ETV5: variants seen among roughly 807,000 people sequenced by gnomAD.
The protein encoded by ETV5 is ETS translocation variant 5.
ETV5 carries 10 observed loss-of-function variants against 70.0 expected under a neutral mutation model. That is an observed-to-expected ratio of 0.14 (90% CI 0.09 to 0.24). The LOEUF is 0.24. ETV5 is among the 10% of genes least tolerant of loss of function. ETV5 has a pLI of 1.00. For missense variants in ETV5, 453 were observed against 651.2 expected (o/e 0.70, Z 3.31); for synonymous variants, 216 against 242.2 (o/e 0.89, Z 1.01).
At chr3:186,062,998 GCGGTAGTTCA>G (rs1394337604) in intron 9 of ETV5, among the ~76,000 whole-genome samples, 1 of 152,224 alleles carries the variant, frequency 6.6e-6, no homozygotes, top group East Asian at 1.9e-4. Context: ...TAGGCTGGGC[GCGGTAGTTCA>G]CGCCTGTAAT....
In ETV5 at chr3:186,052,362, T is replaced by A. The variant is rs774210984; in HGVS notation, c.1210-231A>T. 1.3e-5 allele frequency among the ~76,000 whole-genome samples: 2 copies of A among 152,172 alleles called. No individual in the cohort carries two copies. The highest frequency in any genetic ancestry group is 4.8e-5 in the African/African-American group (2 of 41,434). On this transcript the variant is annotated intron_variant, in intron 11 of 12. Coordinates refer to ENST00000306376, the MANE Select transcript of ETV5 (RefSeq NM_004454.3). The surrounding 1 kb of genome is among the most constrained non-coding windows in gnomAD (Gnocchi z 4.5). ...CTAGAGATGGAAGAATCCTAGCACT[T>A]TAAGATTGCAGAGGGCTTGGCTAAC...
chr3:186,061,715 C>T (rs1384334781), intron 9 of ETV5, among the ~76,000 whole-genome samples: 1 of 152,156 alleles, frequency 6.6e-6, no homozygotes, highest in African/African-American at 2.4e-5. Context: ...GCTCTGAGCC[C>T]ACCTCTCCAG....
At chr3:186,099,706 G>A (rs911495387) in intron 5 of ETV5, among the ~76,000 whole-genome samples, 1 of 151,918 alleles carries the variant, frequency 6.6e-6, no homozygotes, top group African/African-American at 2.4e-5. Flanking sequence ...ACACATTTTC[G>A]GCTTCATTAT....
chr3:186,072,825 T>A (rs574540817), intron 7 of ETV5, among the ~76,000 whole-genome samples: 1 of 152,286 alleles, frequency 6.6e-6, no homozygotes, highest in South Asian at 2.1e-4. Context: ...GTGAAAGTAT[T>A]AGTTGTAGAT....
At chr3:186,050,588 G>T (rs1336730280) in intron 12 of ETV5, among the ~76,000 whole-genome samples, 1 of 152,158 alleles carries the variant, frequency 6.6e-6, no homozygotes, top group Non-Finnish European at 1.5e-5. Flanking sequence ...GGTAATGGTT[G>T]TACAGCTCTG....
intron 5 of ETV5, chr3:186,084,343 A>C: frequency 5.3e-6 from 2 of 378,850 alleles, no homozygotes; most frequent in Admixed American, 7.4e-5. Context: ...CTGCAATTAG[A>C]AACTTTGAGT....
chr3:186,099,250 A>G (rs923698254), intron 5 of ETV5, among the ~76,000 whole-genome samples: 2 of 151,962 alleles, frequency 1.3e-5, no homozygotes, highest in Admixed American at 1.3e-4. Flanking sequence ...GTATCTTGCC[A>G]CTCCTTTAAG....
intron 5 of ETV5, among the ~76,000 whole-genome samples, chr3:186,092,396 T>C (rs1475583521): frequency 8.5e-5 from 13 of 152,228 alleles, no homozygotes; most frequent in Admixed American, 8.5e-4. Flanking sequence ...TTAAGAGTTA[T>C]TGATAAAATT....
At chr3:186,073,422 A>G (rs1358659903) in intron 7 of ETV5, among the ~76,000 whole-genome samples, 1 of 152,222 alleles carries the variant, frequency 6.6e-6, no homozygotes, top group Admixed American at 6.5e-5. Context: ...TTTCAGACGA[A>G]GAAACGAAAG....
intron 1 of ETV5, 139 bp downstream of exon 1, chr3:186,108,801 C>CG (rs540828175): frequency 0.031 from 10,247 of 333,878 alleles, 216 homozygotes; most frequent in African/African-American, 0.072. Context: ...GCGGTCAACC[C>CG]GGGGGGGGTC....
At chr3:186,103,930 C>T (rs1261761332) in intron 5 of ETV5, among the ~76,000 whole-genome samples, 1 of 152,158 alleles carries the variant, frequency 6.6e-6, no homozygotes, top group Non-Finnish European at 1.5e-5. Context: ...ATTTGGAATA[C>T]CCAACTTTTT....
intron 5 of ETV5, among the ~76,000 whole-genome samples, chr3:186,094,524 A>G (rs1714258541): frequency 6.6e-6 from 1 of 152,178 alleles, no homozygotes; most frequent in African/African-American, 2.4e-5. Flanking sequence ...TTTTCTTGAA[A>G]CAGCTTGGAT....
rs931545966 is a variant in ETV5, at chr3:186,046,674, GA to G, written c.*1964del. Reference sequence around the variant, plus strand: ...TAAGACAGCATAAATCCATTCAAAAGAAAAAAAAAAAAAATCCAAACCAGGG... The same window carrying G: ...TAAGACAGCATAAATCCATTCAAAAGAAAAAAAAAAAAATCCAAACCAGGG... On this transcript the variant is annotated 3_prime_UTR_variant, in exon 13 of 13. Coordinates refer to ENST00000306376, the MANE Select transcript of ETV5 (RefSeq NM_004454.3). 2 of 200,588 alleles carry G rather than the reference GA, an allele frequency of 1.0e-5. No homozygotes were observed. Among genetic ancestry groups the G allele is most frequent in the African/African-American group, 5.4e-5 (2 of 36,770 alleles). The allele number at this position is 200,588 out of a possible 1,614,324, so 12.4% of individuals were successfully genotyped here.
chr3:186,071,575 C>T (rs1425979471), intron 7 of ETV5, among the ~76,000 whole-genome samples: 1 of 152,182 alleles, frequency 6.6e-6, no homozygotes, highest in Non-Finnish European at 1.5e-5. Context: ...AAGGCCCGGC[C>T]CTGTTATAAC....
At chr3:186,053,493 G>T (rs555663203) in intron 11 of ETV5, among the ~76,000 whole-genome samples, 164 of 152,258 alleles carry the variant, frequency 1.1e-3, no homozygotes, top group African/African-American at 3.8e-3. Flanking sequence ...AAAATATCTA[G>T]GCAGAATGAA....
intron 7 of ETV5, among the ~76,000 whole-genome samples, chr3:186,069,923 C>T (rs1166277320): frequency 6.6e-6 from 1 of 152,184 alleles, no homozygotes; most frequent in Admixed American, 6.5e-5. Context: ...TCTCCTGTTT[C>T]AGCCTCTCAA....
In ETV5 at chr3:186,094,191, C is replaced by T. The variant is rs1471842134; in HGVS notation, c.232+11114G>A. Among the ~76,000 whole-genome samples the T allele has an allele frequency of 3.3e-5, 5 of 152,226 alleles. No individual in the cohort carries two copies. In the East Asian group the frequency reaches 7.7e-4, roughly 23 times the overall value. ...AAAGAAATTCTTTGTATTAATGCTT[C>T]GTCACTGCTCCTCCTCCCAAAAGAA... is the stretch of plus-strand genomic sequence containing the variant. On this transcript the variant is annotated intron_variant, in intron 5 of 12. Coordinates refer to ENST00000306376, the MANE Select transcript of ETV5 (RefSeq NM_004454.3).
chr3:186,046,847 G>A lies in ETV5; in HGVS notation c.*1792C>T, dbSNP rs1010661334. On this transcript the variant is annotated 3_prime_UTR_variant, in exon 13 of 13. Transcript: ENST00000306376. The stretch of plus-strand genomic sequence containing the variant: ...GTTTAGAAAGAGTCCTTTGATTAGA[G>A]TACAATGCTAATTAAGGCCCAATCT... 14 of 231,528 alleles carry A rather than the reference G, an allele frequency of 6.0e-5. No homozygotes were observed. The highest frequency in any genetic ancestry group is 1.1e-4 in the Admixed American group (2 of 17,736). 14.3% of individuals were successfully genotyped at this position (231,528 alleles called of 1,614,324 possible).
chr3:186,100,465 C>T (rs1714426365), intron 5 of ETV5, among the ~76,000 whole-genome samples: 1 of 152,178 alleles, frequency 6.6e-6, no homozygotes, highest in Admixed American at 6.5e-5. Flanking sequence ...AAAGGCACTG[C>T]CTCTACTGTA....
Sources: allele counts gnomAD v4.1 joint callset (sites outside exome capture counted in the v4.1 genomes callset), GRCh38; gene constraint gnomAD v4.1.1; non-coding constraint Gnocchi (gnomAD v3.1); transcripts MANE v1.5; gene names NCBI Gene and HGNC (gene_info 2026-07-23, HGNC 2026-07-21).